Variants in SHCBP1L observed in about 807,000 individuals in gnomAD.
The protein encoded by SHCBP1L is SHC binding and spindle associated 1 like, also known as testicular spindle-associated protein SHCBP1L.
In SHCBP1L, 67 loss-of-function variants were observed where a neutral mutation model predicts 62.5. The observed-to-expected ratio is 1.07, with a 90% CI of 0.88 to 1.31. The LOEUF (loss-of-function observed/expected upper bound fraction) is 1.31, where lower values mean the gene tolerates loss of function less well. Among genes scored for constraint, SHCBP1L ranks in the 40% most tolerant of loss-of-function variants. The pLI, the probability that SHCBP1L is intolerant of heterozygous loss-of-function variation, is 0.00. For synonymous variants in SHCBP1L, 284 were observed against 289.4 expected, an observed-to-expected ratio of 0.98 and a Z score of 0.19; for missense variants, 823 against 809.8, an observed-to-expected ratio of 1.02 and a Z score of -0.20.
At chr1:182,938,482 A>G (rs190955066) in intron 5 of SHCBP1L, among the ~76,000 whole-genome samples, 1 of 146,822 alleles carries the variant, frequency 6.8e-6, no homozygotes, top group Non-Finnish European at 1.5e-5. Flanking sequence ...CAACAAAGAG[A>G]CAGGGTCTCG....
At position 182,939,353 on chromosome 1, in the gene SHCBP1L, G is replaced by A. The variant is rs1278550543; in HGVS notation, c.899C>T (p.Ala300Val). Residue 300 changes from alanine to valine, a missense_variant, in exon 5 of 10, where the codon GCA becomes GTA. Coordinates refer to ENST00000367547, the MANE Select transcript of SHCBP1L (RefSeq NM_030933.4). ...CTCCAAAGTTTTTTTAAAACGTTGT[G>A]CGATAGGACCAGGTATTGTTCCATC... The part of the protein sequence containing the change: ...IQDGTIPGPI[A>V]QRFKKTLEKY... The A allele has an allele frequency of 3.1e-6, 5 of 1,613,700 alleles. No homozygotes were observed. In the African/African-American group the frequency reaches 5.3e-5, roughly 17 times the overall value.
At chr1:182,930,585 A>G (rs1415095934) in intron 5 of SHCBP1L, among the ~76,000 whole-genome samples, 4 of 131,670 alleles carry the variant, frequency 3.0e-5, no homozygotes, top group South Asian at 2.4e-4. Flanking sequence ...ATATATATAT[A>G]TATATATATA....
Position 182,952,199 on chromosome 1 carries a change from T to A in SHCBP1L, c.405+530A>T, listed in dbSNP as rs1306454805. 3.4e-3 allele frequency among the ~76,000 whole-genome samples: 65 copies of A among 19,046 alleles called. 3 individuals are homozygous for A. Among genetic ancestry groups the A allele is most frequent in the Non-Finnish European group, 5.3e-3 (57 of 10,834 alleles). 12.5% of individuals were successfully genotyped at this position (19,046 alleles called of 152,430 possible). On this transcript the variant is annotated intron_variant, in intron 1 of 9. Coordinates refer to ENST00000367547, the MANE Select transcript of SHCBP1L (RefSeq NM_030933.4). ...AAAAAAAAAAAAAAAAAAATATATA[T>A]ATATATATATATATATATATATATA...
At chr1:182,921,190 TG>T (rs1394451779) in intron 6 of SHCBP1L, among the ~76,000 whole-genome samples, 1 of 152,178 alleles carries the variant, frequency 6.6e-6, no homozygotes, top group Non-Finnish European at 1.5e-5. Context: ...GCAGAAATCC[TG>T]TAAGTCAGAA....
chr1:182,907,773 T>C (rs910049270), intron 6 of SHCBP1L, among the ~76,000 whole-genome samples: 1 of 152,034 alleles, frequency 6.6e-6, no homozygotes, highest in African/African-American at 2.4e-5. Flanking sequence ...GAGACGGGGT[T>C]TCACCATGTT....
At chr1:182,902,270 C>A (rs1557987723) in intron 9 of SHCBP1L, among the ~76,000 whole-genome samples, 1 of 151,962 alleles carries the variant, frequency 6.6e-6, no homozygotes. Flanking sequence ...CCAGGATGGT[C>A]TCAATCTCTT....
chr1:182,902,172 A>G (rs1448098520), intron 9 of SHCBP1L, among the ~76,000 whole-genome samples: 1 of 148,172 alleles, frequency 6.7e-6, no homozygotes, highest in Non-Finnish European at 1.5e-5. Context: ...GCCTCAGCCT[A>G]CTGAATAGCT....
intron 9 of SHCBP1L, among the ~76,000 whole-genome samples, chr1:182,901,523 A>AC (rs1649836566): frequency 1.3e-5 from 2 of 152,338 alleles, no homozygotes; most frequent in Admixed American, 6.5e-5. Context: ...AATTTCTGGG[A>AC]ACACAAACAA....
chr1:182,928,475 G>A (rs1650855445), intron 6 of SHCBP1L, among the ~76,000 whole-genome samples: 1 of 152,146 alleles, frequency 6.6e-6, no homozygotes, highest in Admixed American at 6.5e-5. Context: ...GTATACAGCA[G>A]TCTAATGTAT....
Position 182,903,207 on chromosome 1 carries a change from A to C in SHCBP1L, c.1588-46T>G, listed in dbSNP as rs546663855. ...AAACTATCTACAAAATATATACACA[A>C]ACCTCTCTCCAAAATCTTTAGACTT... On this transcript the variant is annotated intron_variant, in intron 8 of 9. Transcript: ENST00000367547. 8 of 1,422,202 alleles carry C rather than the reference A, an allele frequency of 5.6e-6. No individual in the cohort carries two copies. The South Asian group carries it at 1.4e-4, about 25-fold the overall frequency. 88.1% of individuals were successfully genotyped at this position (1,422,202 alleles called of 1,614,324 possible). A position where few individuals can be genotyped will look rare whatever the true frequency, so the allele number is the denominator to read the frequency against.
At chr1:182,901,647 C>T (rs569764905) in intron 9 of SHCBP1L, among the ~76,000 whole-genome samples, 15 of 152,244 alleles carry the variant, frequency 9.9e-5, no homozygotes, top group African/African-American at 3.4e-4. Context: ...CAAATTTTAA[C>T]GTATGTATAT....
At chr1:182,928,419 T>A (rs1369649791) in intron 6 of SHCBP1L, among the ~76,000 whole-genome samples, 1 of 152,124 alleles carries the variant, frequency 6.6e-6, no homozygotes, top group Non-Finnish European at 1.5e-5. Flanking sequence ...AATGTAGTCA[T>A]GATAAAGGAA....
intron 5 of SHCBP1L, 143 bp downstream of exon 5, chr1:182,939,033 G>T: frequency 1.6e-6 from 1 of 627,642 alleles, no homozygotes; most frequent in Non-Finnish European, 2.7e-6. Flanking sequence ...AATACTGATA[G>T]TTGTACCTTG....
At chr1:182,947,763 C>A (rs988490477) in intron 2 of SHCBP1L, among the ~76,000 whole-genome samples, 9 of 152,194 alleles carry the variant, frequency 5.9e-5, no homozygotes, top group African/African-American at 1.9e-4. Flanking sequence ...GTCTTGCTCT[C>A]AAATTTCTGG....
chr1:182,937,953 A>G (rs1044832118), intron 5 of SHCBP1L, among the ~76,000 whole-genome samples: 1 of 152,176 alleles, frequency 6.6e-6, no homozygotes, highest in African/African-American at 2.4e-5. Flanking sequence ...GCCCAACATG[A>G]CAAATCAGGT....
At position 182,952,773 on chromosome 1, in the gene SHCBP1L, C is replaced by T. The variant is rs1356888881; in HGVS notation, c.361G>A (p.Glu121Lys). ...TCGTCGCAATACAGCGACACCTTCT[C>T]GTCCCGCCACATCCCCCTCATACGG... ...VSRMRGMWRD[E>K]KVSLYCDEVL... The change falls in exon 1 of 10, where the codon GAG becomes AAG. Residue 121 changes from glutamate (E) to lysine (K), a missense_variant. Transcript: ENST00000367547. 6.2e-7 allele frequency: 1 copy of T among 1,612,022 alleles called. No individual in the cohort carries two copies. Among genetic ancestry groups the T allele is most frequent in the Admixed American group, 1.7e-5 (1 of 59,906 alleles).
chr1:182,918,146 A>G (rs987640595), intron 6 of SHCBP1L, among the ~76,000 whole-genome samples: 1 of 146,200 alleles, frequency 6.8e-6, no homozygotes, highest in Non-Finnish European at 1.5e-5. Flanking sequence ...ATATATACAC[A>G]TATATATACA....
intron 2 of SHCBP1L, among the ~76,000 whole-genome samples, chr1:182,947,318 C>CA (rs1651597961): frequency 6.6e-6 from 1 of 151,804 alleles, no homozygotes; most frequent in Non-Finnish European, 1.5e-5. Context: ...GGATCTTAGG[C>CA]AAAAGGCCAA....
intron 6 of SHCBP1L, among the ~76,000 whole-genome samples, chr1:182,925,837 G>A (rs1236027524): frequency 6.6e-6 from 1 of 152,096 alleles, no homozygotes; most frequent in Non-Finnish European, 1.5e-5. Flanking sequence ...TGTATAAGCA[G>A]ATCATTGTAT....
Sources: allele counts gnomAD v4.1 joint callset (sites outside exome capture counted in the v4.1 genomes callset), GRCh38; gene constraint gnomAD v4.1.1; transcripts MANE v1.5; gene names NCBI Gene and HGNC (gene_info 2026-07-23, HGNC 2026-07-21).